GOLGA4: variants seen among roughly 807,000 people sequenced by gnomAD.
GOLGA4 encodes the protein golgin A4.
A neutral mutation model predicts 265.9 loss-of-function variants in GOLGA4; 169 were observed. The observed-to-expected ratio is 0.64, with a 90% CI of 0.56 to 0.72. The LOEUF (loss-of-function observed/expected upper bound fraction) is 0.72. GOLGA4 is among the 30% of genes least tolerant of loss of function. The probability of loss-of-function intolerance (pLI) is 0.00; values close to 1 mark genes in which losing one functional copy is unlikely to be tolerated. For missense variants in GOLGA4, 2,482 were observed against 2,483.4 expected (o/e 1.00, Z 0.01); for synonymous variants, 923 against 855.8 (o/e 1.08, Z -1.37).
chr3:37,266,025 C>CAAAAA (rs745369147), intron 2 of GOLGA4, among the ~76,000 whole-genome samples: 1 of 97,056 alleles, frequency 1.0e-5, no homozygotes, highest in Non-Finnish European at 2.0e-5. Flanking sequence ...GACCTTGTCT[C>CAAAAA]AAAAAAAAAA....
chr3:37,317,643 C>T (rs2096941563), intron 11 of GOLGA4, among the ~76,000 whole-genome samples: 1 of 152,018 alleles, frequency 6.6e-6, no homozygotes, highest in Non-Finnish European at 1.5e-5. Context: ...AATATATTTC[C>T]CCCCAATAAA....
intron 10 of GOLGA4, among the ~76,000 whole-genome samples, chr3:37,313,071 C>G (rs1040964394): frequency 1.3e-5 from 2 of 152,034 alleles, no homozygotes; most frequent in African/African-American, 4.8e-5. Context: ...GGTCTGGTGG[C>G]GGGCACCTGT....
intron 2 of GOLGA4, among the ~76,000 whole-genome samples, chr3:37,278,256 A>G (rs1578466170): frequency 6.6e-6 from 1 of 151,692 alleles, no homozygotes. Context: ...CTGGAGCGTA[A>G]TGGCGTGATC....
chr3:37,340,075 TAC>T, intron 19 of GOLGA4, 47 bp from the exon 20 acceptor site: 1 of 780,854 alleles, frequency 1.3e-6, no homozygotes, highest in Non-Finnish European at 2.2e-6. Context: ...TTTTCTTACA[TAC>T]AGTTTCCCTG....
chr3:37,332,041 T>A (rs1235749509), intron 16 of GOLGA4, among the ~76,000 whole-genome samples: 1 of 152,184 alleles, frequency 6.6e-6, no homozygotes, highest in East Asian at 1.9e-4. Context: ...TCCTACCTAG[T>A]CCCCTTACTG....
chr3:37,334,287 T>C (rs181440544), intron 16 of GOLGA4, among the ~76,000 whole-genome samples: 19 of 152,326 alleles, frequency 1.2e-4, no homozygotes, highest in Middle Eastern at 3.4e-3. Flanking sequence ...TATTGCTCTT[T>C]CTAATTCAGC....
Position 37,340,193 on chromosome 3 carries a change from T to C in GOLGA4, c.6466T>C (p.Tyr2156His). 7.6e-7 allele frequency: 1 copy of C among 1,319,232 alleles called. No homozygotes were observed. Among genetic ancestry groups the C allele is most frequent in the East Asian group, 2.5e-5 (1 of 39,932 alleles). The allele number at this position is 1,319,232 out of a possible 1,614,324, so 81.7% of individuals were successfully genotyped here. ...NVYATTVGTPYKGGNLYHTDV... is the reference protein window; with the variant it reads ...NVYATTVGTPHKGGNLYHTDV... ...ATATGCAACAACTGTGGGGACACCT[T>C]ACAAAGGTAAGGATGATCTCGTGTC... Residue 2156 changes from tyrosine to histidine, a missense_variant, in exon 20 of 24, where the codon TAC becomes CAC. Coordinates refer to ENST00000361924, the MANE Select transcript of GOLGA4 (RefSeq NM_002078.5).
intron 16 of GOLGA4, among the ~76,000 whole-genome samples, chr3:37,332,956 G>A (rs772784175): frequency 6.6e-6 from 1 of 152,096 alleles, no homozygotes; most frequent in Non-Finnish European, 1.5e-5. Flanking sequence ...GCGTGTAGGA[G>A]TGTATTAATG....
intron 2 of GOLGA4, among the ~76,000 whole-genome samples, chr3:37,253,737 A>T (rs189836820): frequency 1.8e-4 from 28 of 152,230 alleles, no homozygotes; most frequent in African/African-American, 6.5e-4. Flanking sequence ...CAATGGTAGC[A>T]GTCAGCCGGG....
chr3:37,337,923 A>G (rs1417841657), intron 19 of GOLGA4, among the ~76,000 whole-genome samples, 189 bp downstream of exon 19: 10 of 152,186 alleles, frequency 6.6e-5, no homozygotes, highest in Non-Finnish European at 1.5e-5. Flanking sequence ...AAGCAAGAAC[A>G]TTTGTATCAT....
chr3:37,321,490 A>G (rs2096954599), intron 12 of GOLGA4: 1 of 383,378 alleles, frequency 2.6e-6, no homozygotes, highest in South Asian at 6.5e-5. Flanking sequence ...AAAATAGCAG[A>G]CATAGTGGGG....
intron 1 of GOLGA4, among the ~76,000 whole-genome samples, chr3:37,249,292 A>G (rs965411447): frequency 2.6e-5 from 4 of 152,266 alleles, no homozygotes; most frequent in African/African-American, 9.6e-5. Flanking sequence ...CTAATACTAC[A>G]CAGTGACTGT....
At chr3:37,257,263 C>G (rs2096751446) in intron 2 of GOLGA4, among the ~76,000 whole-genome samples, 1 of 152,068 alleles carries the variant, frequency 6.6e-6, no homozygotes, top group African/African-American at 2.4e-5. Flanking sequence ...CTTTTTATAA[C>G]TGAGTCTAAT....
chr3:37,266,515 T>C (rs1313460612), intron 2 of GOLGA4, among the ~76,000 whole-genome samples: 1 of 152,058 alleles, frequency 6.6e-6, no homozygotes, highest in Non-Finnish European at 1.5e-5. Context: ...TGTTGTTAAT[T>C]GGTATTGATT....
intron 7 of GOLGA4, 138 bp from the exon 8 acceptor site, chr3:37,298,695 C>T (rs1424867845): frequency 2.2e-5 from 13 of 603,782 alleles, no homozygotes; most frequent in Middle Eastern, 5.8e-4. Flanking sequence ...CACCCAGGAA[C>T]GAACAATGAC....
chr3:37,252,317 C>CTT (rs34906290), intron 2 of GOLGA4, among the ~76,000 whole-genome samples: 1,839 of 138,194 alleles, frequency 0.013, 29 homozygotes, highest in African/African-American at 0.038. Flanking sequence ...TGCTTGCTTC[C>CTT]TTTTTTTTTT....
At chr3:37,313,375 A>G (rs2096928205) in intron 10 of GOLGA4, 1 of 152,222 alleles carries the variant, frequency 6.6e-6, no homozygotes, top group Non-Finnish European at 1.5e-5. Flanking sequence ...CTGTGCCCAA[A>G]CCACTGTGTT....
chr3:37,329,376 C>A, intron 16 of GOLGA4: 1 of 190,450 alleles, frequency 5.3e-6, no homozygotes, highest in Non-Finnish European at 1.1e-5. Context: ...GATTCTTTCC[C>A]ATCTGCCTCA....
At position 37,362,650 on chromosome 3, in the gene GOLGA4, C is replaced by T. The variant is rs1252721409; in HGVS notation, c.*33+1345C>T. ...TCCTGGGCTCAAGGGATCCTCCCAC[C>T]TCAGCCTCCCAAATAACTGGGACTC... On this transcript the variant is annotated intron_variant, in intron 23 of 23. Coordinates refer to ENST00000361924, the MANE Select transcript of GOLGA4 (RefSeq NM_002078.5). Among the ~76,000 whole-genome samples the T allele has an allele frequency of 4.6e-5, 7 of 151,990 alleles. No individual in the cohort carries two copies. In the South Asian group the frequency reaches 1.5e-3, roughly 32 times the overall value.
Sources: allele counts gnomAD v4.1 joint callset (sites outside exome capture counted in the v4.1 genomes callset), GRCh38; gene constraint gnomAD v4.1.1; transcripts MANE v1.5; gene names NCBI Gene and HGNC (gene_info 2026-07-23, HGNC 2026-07-21).